Variants in USP25 observed in about 807,000 individuals in gnomAD.
USP25 encodes the protein ubiquitin carboxyl-terminal hydrolase 25.
A neutral mutation model predicts 158.5 loss-of-function variants in USP25; 85 were observed. The ratio of observed to expected loss-of-function variants is 0.54; its 90% CI spans 0.45 to 0.64. The LOEUF is 0.64. Ranked by LOEUF, USP25 falls within the 30% of genes least tolerant of loss-of-function variation. The pLI is 0.00. For missense variants in USP25, 1,242 were observed against 1,327.3 expected, an observed-to-expected ratio of 0.94 and a Z score of 1.00; for synonymous variants, 464 against 460.4, an observed-to-expected ratio of 1.01 and a Z score of -0.10.
intron 22 of USP25, among the ~76,000 whole-genome samples, chr21:15,868,197 A>G (rs763487564): frequency 2.0e-5 from 3 of 152,200 alleles, no homozygotes; most frequent in Admixed American, 6.5e-5. Flanking sequence ...AGAAGTCAAC[A>G]TAGGTAGAAG....
intron 22 of USP25, among the ~76,000 whole-genome samples, chr21:15,866,757 T>A (rs1017352073): frequency 1.2e-4 from 18 of 152,138 alleles, no homozygotes; most frequent in African/African-American, 3.6e-4. Flanking sequence ...CCTTTACATA[T>A]ATTAACTGAT....
At chr21:15,844,991 A>G (rs1343548375) in intron 18 of USP25, among the ~76,000 whole-genome samples, 2 of 152,156 alleles carry the variant, frequency 1.3e-5, no homozygotes, top group Non-Finnish European at 2.9e-5. Context: ...CTACTTTTAC[A>G]TTATAAATAG....
chr21:15,804,250 A>G (rs2036267420), intron 6 of USP25, among the ~76,000 whole-genome samples: 1 of 151,820 alleles, frequency 6.6e-6, no homozygotes, highest in South Asian at 2.1e-4. Flanking sequence ...AAGTTGGGGA[A>G]AAGATATAGA....
intron 10 of USP25, among the ~76,000 whole-genome samples, chr21:15,822,161 G>A (rs1405927841): frequency 2.0e-5 from 3 of 151,456 alleles, no homozygotes; most frequent in East Asian, 1.9e-4. Context: ...CTCATGTTTC[G>A]TATTATTTAA....
intron 4 of USP25, among the ~76,000 whole-genome samples, chr21:15,789,051 G>T (rs1426478273): frequency 6.6e-6 from 1 of 152,006 alleles, no homozygotes; most frequent in African/African-American, 2.4e-5. Context: ...TGTGACAAAT[G>T]GTTCAGGCTT....
At chr21:15,750,987 GA>G (rs2032972794) in intron 1 of USP25, among the ~76,000 whole-genome samples, 1 of 152,176 alleles carries the variant, frequency 6.6e-6, no homozygotes, top group Non-Finnish European at 1.5e-5. Context: ...TGTTTTCAAG[GA>G]ATTTGTTTCA....
At chr21:15,839,018 G>T (rs2038198679) in intron 17 of USP25, among the ~76,000 whole-genome samples, 1 of 152,138 alleles carries the variant, frequency 6.6e-6, no homozygotes, top group Non-Finnish European at 1.5e-5. Flanking sequence ...CTCTGTGGAG[G>T]CCAGTCATTT....
intron 18 of USP25, 113 bp from the exon 19 acceptor site, chr21:15,847,550 T>C (rs556953997): frequency 3.0e-6 from 2 of 663,614 alleles, no homozygotes; most frequent in African/African-American, 1.8e-5. Flanking sequence ...AAATAAGTCA[T>C]ATGGATACAG....
intron 1 of USP25, among the ~76,000 whole-genome samples, chr21:15,733,560 G>C (rs959852125): frequency 2.0e-5 from 3 of 152,066 alleles, no homozygotes; most frequent in Non-Finnish European, 4.4e-5. Context: ...AATGACACCT[G>C]CCAGGAGTGG....
At chr21:15,784,151 A>G (rs1330947220) in intron 4 of USP25, among the ~76,000 whole-genome samples, 1 of 152,248 alleles carries the variant, frequency 6.6e-6, no homozygotes, top group Non-Finnish European at 1.5e-5. Flanking sequence ...TAAATCCATA[A>G]TCATATTCAG....
At chr21:15,763,335 G>T (rs2033847759) in intron 2 of USP25, among the ~76,000 whole-genome samples, 1 of 151,990 alleles carries the variant, frequency 6.6e-6, no homozygotes, top group Non-Finnish European at 1.5e-5. Flanking sequence ...GTAAGAGAAG[G>T]GAAAAGTAGA....
intron 4 of USP25, among the ~76,000 whole-genome samples, chr21:15,783,371 T>TTCTTGGAAGGAAG (rs1271977568): frequency 6.6e-6 from 1 of 152,220 alleles, no homozygotes; most frequent in Non-Finnish European, 1.5e-5. Context: ...CCTTCTGCAC[T>TTCTTGGAAGGAAG]TCTTGGAAGG....
chr21:15,821,427 TTAGAAG>T (rs2037230117), intron 10 of USP25, among the ~76,000 whole-genome samples: 1 of 151,962 alleles, frequency 6.6e-6, no homozygotes. Flanking sequence ...TGAAGTATAG[TTAGAAG>T]TAGAATCTTT....
chr21:15,847,969 C>T (rs148444069), intron 19 of USP25, among the ~76,000 whole-genome samples, 193 bp downstream of exon 19: 114 of 152,200 alleles, frequency 7.5e-4, no homozygotes, highest in African/African-American at 2.6e-3. Flanking sequence ...AAGTAGAAAA[C>T]TTATGGAATT....
chr21:15,867,576 A>C (rs986895088), intron 22 of USP25, among the ~76,000 whole-genome samples: 2 of 152,192 alleles, frequency 1.3e-5, no homozygotes, highest in African/African-American at 4.8e-5. Context: ...ACTGGAAAAG[A>C]AGAAACAAAG....
At chr21:15,866,982 A>G (rs553097721) in intron 22 of USP25, among the ~76,000 whole-genome samples, 106 of 152,148 alleles carry the variant, frequency 7.0e-4, no homozygotes, top group African/African-American at 2.5e-3. Context: ...GATTCATCAG[A>G]TATATTTTGG....
chr21:15,813,248 G>A (rs540459626), intron 9 of USP25, among the ~76,000 whole-genome samples: 9 of 151,988 alleles, frequency 5.9e-5, no homozygotes, highest in African/African-American at 1.2e-4. Context: ...AAATATTTTC[G>A]TTTTTTCCAC....
At chr21:15,788,789 T>C (rs2035435832) in intron 4 of USP25, among the ~76,000 whole-genome samples, 1 of 152,262 alleles carries the variant, frequency 6.6e-6, no homozygotes, top group Admixed American at 6.5e-5. Context: ...CCCATACTTT[T>C]GTTAACAGTG....
At chr21:15,740,641 G>GTTTT (rs60616271) in intron 1 of USP25, among the ~76,000 whole-genome samples, 143 of 41,250 alleles carry the variant, frequency 3.5e-3, no homozygotes, top group Non-Finnish European at 5.1e-3. Context: ...CTTTCTGGCT[G>GTTTT]TTTTTTTTTT....
Sources: gnomAD v4.1 joint callset for allele counts (sites outside exome capture counted in the v4.1 genomes callset) on GRCh38, gnomAD v4.1.1 for gene constraint, MANE v1.5 for transcripts, NCBI Gene and HGNC (gene_info 2026-07-23, HGNC 2026-07-21) for gene names.